LIPA: variants seen among roughly 807,000 people sequenced by gnomAD.
LIPA encodes the protein lysosomal acid lipase/cholesteryl ester hydrolase.
A neutral mutation model predicts 40.6 loss-of-function variants in LIPA; 26 were observed. That is an observed-to-expected ratio of 0.64 (90% CI 0.47 to 0.89). The LOEUF (loss-of-function observed/expected upper bound fraction) is 0.89, where lower values mean the gene tolerates loss of function less well. Among genes scored for constraint, LIPA ranks in the 40% least tolerant of loss-of-function variants. The pLI, the probability that LIPA is intolerant of heterozygous loss-of-function variation, is 0.00. For synonymous variants in LIPA, 188 were observed against 168.4 expected (o/e 1.12, Z -0.90); for missense variants, 455 against 479.6 (o/e 0.95, Z 0.48).
intron 2 of LIPA, among the ~76,000 whole-genome samples, chr10:89,407,460 C>T (rs982712668): frequency 6.6e-6 from 1 of 152,152 alleles, no homozygotes; most frequent in Non-Finnish European, 1.5e-5. Flanking sequence ...TAATTTTTGC[C>T]CAAAGCCCCA....
At chr10:89,375,014 G>A (rs1259173602) in intron 2 of LIPA, among the ~76,000 whole-genome samples, 3 of 152,164 alleles carry the variant, frequency 2.0e-5, no homozygotes, top group Non-Finnish European at 4.4e-5. Flanking sequence ...GTGCCCACTG[G>A]GAAAAATTGT....
chr10:89,369,026 AG>A (rs1844077609), intron 2 of LIPA, among the ~76,000 whole-genome samples: 1 of 152,100 alleles, frequency 6.6e-6, no homozygotes, highest in Admixed American at 6.5e-5. Context: ...TGTCTACCAC[AG>A]GGATTGGATT....
chr10:89,404,973 G>T (rs1004771161), intron 2 of LIPA: 1 of 150,930 alleles, frequency 6.6e-6, no homozygotes, highest in Non-Finnish European at 1.5e-5. Context: ...AAAAAAAAAA[G>T]TTCTCTCCAA....
intron 1 of LIPA, chr10:89,339,028 A>T: frequency 6.2e-7 from 1 of 1,614,194 alleles, no homozygotes; most frequent in Non-Finnish European, 8.5e-7. Context: ...ACAAACCTGC[A>T]AGAAATTTTC....
intron 7 of LIPA, among the ~76,000 whole-genome samples, chr10:89,223,176 T>C (rs1188603153): frequency 1.3e-5 from 2 of 152,154 alleles, no homozygotes; most frequent in Admixed American, 1.3e-4. Context: ...TGAAAATTTG[T>C]GTATTTTAGA....
At chr10:89,378,052 C>A in intron 2 of LIPA, 1 of 1,455,448 alleles carries the variant, frequency 6.9e-7, no homozygotes, top group Non-Finnish European at 9.6e-7. Flanking sequence ...ATCTGAGAAG[C>A]CCTAGAACTC....
upstream of LIPA, among the ~76,000 whole-genome samples, chr10:89,346,937 T>G (rs1843927415): frequency 6.6e-6 from 1 of 152,224 alleles, no homozygotes; most frequent in Non-Finnish European, 1.5e-5. Flanking sequence ...AGCCTGTCTT[T>G]TCTCTCCTTT....
intron 5 of LIPA, among the ~76,000 whole-genome samples, chr10:89,225,799 C>T (rs947991754): frequency 3.9e-5 from 6 of 152,098 alleles, no homozygotes; most frequent in African/African-American, 1.2e-4. Flanking sequence ...AATTGAATCA[C>T]GGAGGCGGTT....
In LIPA at chr10:89,305,807, CA is replaced by C. The variant is rs368325644; in HGVS notation, c.-2+36803del. 1.2e-4 allele frequency among the ~76,000 whole-genome samples: 18 copies of C among 152,218 alleles called. No individual in the cohort carries two copies. The South Asian group carries it at 3.5e-3, about 30-fold the overall frequency. On this transcript the variant is annotated intron_variant, in intron 1 of 5. Coordinates refer to the LIPA transcript ENST00000282673. ...TCCTGCTACCACATGCAGGAATTAA[CA>C]ATAAGGAAAAACATATTATAGAAAG...
chr10:89,278,160 G>C (rs780865820), intron 1 of LIPA: 1 of 152,090 alleles, frequency 6.6e-6, no homozygotes, highest in Non-Finnish European at 1.5e-5. Flanking sequence ...TCCTACCAAA[G>C]CATGTTACTA....
chr10:89,286,035 C>T (rs143847443), intron 1 of LIPA, among the ~76,000 whole-genome samples: 2,723 of 152,258 alleles, frequency 0.018, 41 homozygotes, highest in Non-Finnish European at 0.028. Flanking sequence ...TGCCACTTAA[C>T]CCCAATACAA....
intron 2 of LIPA, among the ~76,000 whole-genome samples, chr10:89,386,939 G>T (rs1207365158): frequency 1.0e-4 from 13 of 126,132 alleles, no homozygotes; most frequent in Non-Finnish European, 1.6e-5. Context: ...GAGTCTGTGG[G>T]TATATGAGTG....
intron 1 of LIPA, among the ~76,000 whole-genome samples, chr10:89,312,371 G>A (rs532054515): frequency 3.3e-5 from 5 of 152,204 alleles, no homozygotes; most frequent in African/African-American, 1.2e-4. Context: ...AGCCCAGGAG[G>A]TGGGGGCTTC....
At chr10:89,299,834 C>T (rs1843435109) in intron 1 of LIPA, among the ~76,000 whole-genome samples, 1 of 151,660 alleles carries the variant, frequency 6.6e-6, no homozygotes, top group African/African-American at 2.4e-5. Context: ...TAAATTAGTA[C>T]AGTCATTATG....
chr10:89,378,773 C>G (rs941048605), intron 2 of LIPA, among the ~76,000 whole-genome samples: 1 of 152,232 alleles, frequency 6.6e-6, no homozygotes, highest in African/African-American at 2.4e-5. Context: ...AGTTTCCTAA[C>G]TCCTGTTACA....
chr10:89,230,131 C>T (rs1288555240), intron 3 of LIPA, among the ~76,000 whole-genome samples: 1 of 152,160 alleles, frequency 6.6e-6, no homozygotes, highest in Non-Finnish European at 1.5e-5. Context: ...TGACCTCAAG[C>T]TGCTTACCTA....
intron 2 of LIPA, chr10:89,383,762 C>T (rs141939113): frequency 1.0e-4 from 165 of 1,613,940 alleles, no homozygotes; most frequent in African/African-American, 6.4e-4. Flanking sequence ...TGGGCCTTGG[C>T]GAAGTGTGGT....
At chr10:89,345,386 A>T (rs1373857646), upstream of LIPA, among the ~76,000 whole-genome samples, 1 of 151,922 alleles carries the variant, frequency 6.6e-6, no homozygotes, top group African/African-American at 2.4e-5. Context: ...AAAATTAGCC[A>T]GGTGTGGTGA....
At position 89,310,157 on chromosome 10, in the gene LIPA, C is replaced by A. The variant is rs868094216; in HGVS notation, c.-2+32454G>T. On this transcript the variant is annotated intron_variant, in intron 1 of 5. Transcript: ENST00000282673. The stretch of plus-strand genomic sequence containing the variant: ...TGCCAGTGAAAGAGTGAGAAGAATT[C>A]CTCTTATCTCTGTGTTGGTTCCAAG... Among the ~76,000 whole-genome samples the A allele has an allele frequency of 4.6e-5, 7 of 152,250 alleles. No individual in the cohort carries two copies. The South Asian group carries it at 1.0e-3, about 23-fold the overall frequency.
Sources: allele counts gnomAD v4.1 joint callset (sites outside exome capture counted in the v4.1 genomes callset), GRCh38; gene constraint gnomAD v4.1.1; transcripts MANE v1.5; gene names NCBI Gene and HGNC (gene_info 2026-07-23, HGNC 2026-07-21).